The following BCO2 variants were observed in gnomAD, a reference collection of about 807,000 sequenced individuals.
The protein encoded by BCO2 is carotenoid-cleaving dioxygenase, mitochondrial.
A neutral mutation model predicts 65.8 loss-of-function variants in BCO2; 56 were observed. The observed-to-expected ratio is 0.85, with a 90% CI of 0.69 to 1.06. The LOEUF (loss-of-function observed/expected upper bound fraction) is 1.06, where lower values mean the gene tolerates loss of function less well. Among genes scored for constraint, BCO2 ranks in the 50% least tolerant of loss-of-function variants. BCO2 has a pLI of 0.00. For synonymous variants in BCO2, 233 were observed against 242.3 expected, an observed-to-expected ratio of 0.96 and a Z score of 0.36; for missense variants, 675 against 698.5, an observed-to-expected ratio of 0.97 and a Z score of 0.38.
chr11:112,194,815 A>T, intron 5 of BCO2, 60 bp downstream of exon 5: 1 of 1,203,782 alleles, frequency 8.3e-7, no homozygotes, highest in South Asian at 1.3e-5. Flanking sequence ...TGTGTATATA[A>T]AGATGAATAC....
chr11:112,216,199 T>C, intron 10 of BCO2, 21 bp from the exon 11 acceptor site: 1 of 1,571,006 alleles, frequency 6.4e-7, no homozygotes, highest in Non-Finnish European at 8.8e-7. Flanking sequence ...TTTTATCAAA[T>C]GCTTTTTTTG....
intron 1 of BCO2, among the ~76,000 whole-genome samples, chr11:112,178,411 G>A (rs1866941287): frequency 6.6e-6 from 1 of 152,164 alleles, no homozygotes; most frequent in Non-Finnish European, 1.5e-5. Flanking sequence ...CTTGCTAAAA[G>A]AATGCAAATC....
At chr11:112,215,573 G>A (rs1234271601) in intron 10 of BCO2, 1 of 153,660 alleles carries the variant, frequency 6.5e-6, no homozygotes, top group African/African-American at 2.4e-5. Context: ...GCTGGGCGTG[G>A]TGGCACATGC....
At chr11:112,185,375 A>G (rs960038926) in intron 2 of BCO2, among the ~76,000 whole-genome samples, 6 of 152,214 alleles carry the variant, frequency 3.9e-5, no homozygotes, top group Non-Finnish European at 7.3e-5. Context: ...CTCAGTGTCT[A>G]CTAGGGACGT....
In BCO2 at chr11:112,202,020, C is replaced by A. The variant is rs751595784; in HGVS notation, c.1027-3C>A. The A allele has an allele frequency of 1.3e-6, 2 of 1,564,792 alleles. No homozygotes were observed. Among genetic ancestry groups the A allele is most frequent in the Admixed American group, 4.1e-5 (2 of 49,064 alleles). ...TTTTCATTGTTTGTGTTTTCCCCTG[C>A]AGCTCCTTCCAGGGAGATACTACAG... On this transcript the variant is annotated splice_region_variant and splice_polypyrimidine_tract_variant and intron_variant, in intron 7 of 11. Transcript: ENST00000357685.
In BCO2 at chr11:112,217,795, A is replaced by T. The variant is rs1353552210; in HGVS notation, c.1661A>T (p.Lys554Met). 1 of 1,614,102 alleles carries T rather than the reference A, an allele frequency of 6.2e-7. No individual in the cohort carries two copies. The highest frequency in any genetic ancestry group is 8.5e-7 in the Non-Finnish European group (1 of 1,179,942). ...AATTTTATCCTAGTTTTGGATGCCA[A>T]GAACTTTGAAGAGCTGGGCCGAGCA... ...ESNFILVLDA[K>M]NFEELGRAEV... Residue 554 changes from lysine (K) to methionine (M), a missense_variant, in exon 12 of 12, where the codon AAG (lysine) becomes ATG (methionine). Coordinates refer to ENST00000357685, the MANE Select transcript of BCO2 (RefSeq NM_031938.7).
intron 1 of BCO2, 110 bp downstream of exon 1, chr11:112,175,799 C>A: frequency 1.1e-6 from 1 of 914,474 alleles, no homozygotes; most frequent in Non-Finnish European, 1.8e-6. Context: ...AGCTTTGTGT[C>A]CTGTGTGGCT....
chr11:112,187,701 TCTC>T (rs1474248850), intron 2 of BCO2, among the ~76,000 whole-genome samples: 1 of 152,174 alleles, frequency 6.6e-6, no homozygotes, highest in Admixed American at 6.5e-5. Context: ...CTTTTCCTCT[TCTC>T]TGAAACTTTG....
At chr11:112,191,661 CAAGAAAACAATAAA>C (rs1867394255) in intron 2 of BCO2, among the ~76,000 whole-genome samples, 1 of 151,980 alleles carries the variant, frequency 6.6e-6, no homozygotes, top group South Asian at 2.1e-4. Flanking sequence ...TAAGAATTGA[CAAGAAAACAATAAA>C]TTTTTTTTCA....
chr11:112,203,923 C>T (rs7931954), intron 8 of BCO2, among the ~76,000 whole-genome samples: 3 of 152,028 alleles, frequency 2.0e-5, no homozygotes, highest in East Asian at 1.9e-4. Context: ...GGCGCGATCT[C>T]GGCTTACTGC....
intron 8 of BCO2, among the ~76,000 whole-genome samples, chr11:112,212,651 A>G (rs1176791780): frequency 6.6e-6 from 1 of 152,198 alleles, no homozygotes; most frequent in Non-Finnish European, 1.5e-5. Context: ...TAATTCCTCC[A>G]GGAACTAGTG....
intron 5 of BCO2, among the ~76,000 whole-genome samples, chr11:112,198,070 T>C (rs1416179436): frequency 6.6e-6 from 1 of 152,260 alleles, no homozygotes; most frequent in Non-Finnish European, 1.5e-5. Context: ...CTGATCCTTA[T>C]TCCTTGGCTT....
At chr11:112,195,489 C>T (rs965604944) in intron 5 of BCO2, among the ~76,000 whole-genome samples, 20 of 151,506 alleles carry the variant, frequency 1.3e-4, no homozygotes, top group African/African-American at 4.9e-4. Context: ...CTTGCCCAGG[C>T]TGGAATGCCG....
intron 10 of BCO2, chr11:112,215,300 C>T (rs1353572851): frequency 3.3e-6 from 1 of 303,572 alleles, no homozygotes; most frequent in Non-Finnish European, 6.3e-6. Flanking sequence ...CTCTCTTTCT[C>T]CCATATTCAA....
At chr11:112,178,066 A>G (rs1184632691) in intron 1 of BCO2, among the ~76,000 whole-genome samples, 1 of 146,276 alleles carries the variant, frequency 6.8e-6, no homozygotes, top group Non-Finnish European at 1.5e-5. Context: ...CGGCCAACAC[A>G]CCCGGCTATT....
chr11:112,217,689 A>G, intron 11 of BCO2, 72 bp from the exon 12 acceptor site: 2 of 1,025,598 alleles, frequency 2.0e-6, no homozygotes, highest in Non-Finnish European at 2.9e-6. Context: ...GGAATTTTAC[A>G]GCTTAGTGGA....
intron 2 of BCO2, 121 bp downstream of exon 2, chr11:112,179,603 A>T (rs11214115): frequency 0.26 from 233,668 of 902,582 alleles, 31,198 homozygotes; most frequent in Admixed American, 0.31. Flanking sequence ...TTGATTACAG[A>T]TAAAGAAACT....
intron 8 of BCO2, among the ~76,000 whole-genome samples, chr11:112,212,327 T>C (rs1293511217): frequency 6.6e-6 from 1 of 152,156 alleles, no homozygotes; most frequent in African/African-American, 2.4e-5. Flanking sequence ...TGATAATTCA[T>C]TAGGAGGATT....
At chr11:112,192,493 A>G (rs1867419217) in intron 2 of BCO2, among the ~76,000 whole-genome samples, 1 of 152,124 alleles carries the variant, frequency 6.6e-6, no homozygotes, top group African/African-American at 2.4e-5. Context: ...ATTTAAGTAG[A>G]TCATTTCTAG....
Sources: allele counts gnomAD v4.1 joint callset (sites outside exome capture counted in the v4.1 genomes callset), GRCh38; gene constraint gnomAD v4.1.1; transcripts MANE v1.5; gene names NCBI Gene and HGNC (gene_info 2026-07-23, HGNC 2026-07-21).